The following RNF157 variants were observed in gnomAD, a reference collection of about 807,000 sequenced individuals.
The protein encoded by RNF157 is ring finger protein 157, also known as E3 ubiquitin ligase RNF157.
A neutral mutation model predicts 88.3 loss-of-function variants in RNF157; 55 were observed. The ratio of observed to expected loss-of-function variants is 0.62; its 90% CI spans 0.50 to 0.78. RNF157 has a LOEUF of 0.78. Among genes scored for constraint, RNF157 ranks in the 30% least tolerant of loss-of-function variants. RNF157 has a pLI of 0.00. For missense variants in RNF157, 788 were observed against 860.8 expected (o/e 0.92, Z 1.06); for synonymous variants, 334 against 341.2 (o/e 0.98, Z 0.23).
chr17:76,190,276 C>T (rs1427756291), intron 2 of RNF157, among the ~76,000 whole-genome samples: 1 of 151,810 alleles, frequency 6.6e-6, no homozygotes, highest in Non-Finnish European at 1.5e-5. Flanking sequence ...AAGTAATTCC[C>T]TTGCCTCAGC....
In RNF157 at chr17:76,145,211, G is replaced by C. The variant is rs944102867; in HGVS notation, c.*24C>G. The C allele has an allele frequency of 2.0e-6, 3 of 1,482,674 alleles. No individual in the cohort carries two copies. In the African/African-American group the frequency reaches 4.1e-5, roughly 20 times the overall value. The allele number at this position is 1,482,674 out of a possible 1,614,324, so 91.8% of individuals were successfully genotyped here. Reference sequence around the variant, plus strand: ...ATGGATGGAATGCAGGGCAGGAGGGGAGCCCAAGTGCAGAGGCTGGGGCTC... The same window carrying C: ...ATGGATGGAATGCAGGGCAGGAGGGCAGCCCAAGTGCAGAGGCTGGGGCTC... On this transcript the variant is annotated 3_prime_UTR_variant, in exon 19 of 19. Transcript: ENST00000269391.
Position 76,240,222 on chromosome 17 carries a change from G to T in RNF157, c.19C>A (p.Arg7=). The T allele has an allele frequency of 3.6e-6, 5 of 1,378,240 alleles. No homozygotes were observed. Among genetic ancestry groups the T allele is most frequent in the Non-Finnish European group, 4.8e-6 (5 of 1,050,628 alleles). The allele number at this position is 1,378,240 out of a possible 1,614,324, so 85.4% of individuals were successfully genotyped here. ...ACCTCCTCCACGCCCGCGTGCTGCC[G>T]GCTCGTCAGGGCCCCCATGGCCGCT... MGALTS[R]QHAGVEEVDI... Residue 7 remains arginine, a synonymous_variant, in exon 1 of 19, where the codon CGG becomes AGG. Transcript: ENST00000269391. This position sits in a 1 kb window ranked among gnomAD's most constrained non-coding sequence, Gnocchi z 4.4.
At chr17:76,182,448 AGTCT>A (rs1463933863) in intron 2 of RNF157, among the ~76,000 whole-genome samples, 1 of 110,052 alleles carries the variant, frequency 9.1e-6, no homozygotes, top group Non-Finnish European at 1.8e-5. Context: ...ACACGCATTT[AGTCT>A]GTGTGTGTGT....
At chr17:76,210,951 T>C (rs1034848545) in intron 2 of RNF157, among the ~76,000 whole-genome samples, 1 of 152,000 alleles carries the variant, frequency 6.6e-6, no homozygotes, top group African/African-American at 2.4e-5. Flanking sequence ...ATTATAGGGG[T>C]GTGCCACCAC....
intron 1 of RNF157, among the ~76,000 whole-genome samples, chr17:76,217,701 G>T (rs547992407): frequency 6.6e-6 from 1 of 152,126 alleles, no homozygotes; most frequent in African/African-American, 2.4e-5. Context: ...GGAGAAACAC[G>T]TCACTCACAG....
chr17:76,161,037 AAG>A lies in RNF157; in HGVS notation c.1065+496_1065+497del, dbSNP rs1568029317. ...TCCCAGCAGTGCGTTAGTCTAAAGAAAGACAGTATCTGCTGCTCTCTAACTGC... is the reference window on the plus strand; with the variant it reads ...TCCCAGCAGTGCGTTAGTCTAAAGAAACAGTATCTGCTGCTCTCTAACTGC... On this transcript the variant is annotated intron_variant, in intron 11 of 18. Coordinates refer to ENST00000269391, the MANE Select transcript of RNF157 (RefSeq NM_052916.3). This position sits in a 1 kb window ranked among gnomAD's most constrained non-coding sequence, Gnocchi z 4.6. Among the ~76,000 whole-genome samples the A allele has an allele frequency of 6.6e-6, 1 of 152,206 alleles. No individual in the cohort carries two copies. The highest frequency in any genetic ancestry group is 6.5e-5 in the Admixed American group (1 of 15,286).
Position 76,167,727 on chromosome 17 carries a change from T to C in RNF157, c.367A>G (p.Thr123Ala), listed in dbSNP as rs1369943278. 7 of 1,614,086 alleles carry C rather than the reference T, an allele frequency of 4.3e-6. No individual in the cohort carries two copies. The highest frequency in any genetic ancestry group is 5.9e-6 in the Non-Finnish European group (7 of 1,180,034). Residue 123 changes from threonine (T) to alanine (A), a missense_variant, in exon 4 of 19, where the codon ACC becomes GCC. By Grantham distance (58) the Thr-to-Ala change is moderately conservative. Transcript: ENST00000269391. ...KAKVHYNVEF[T>A]FDTDARVAIT... ...GCTACCCGAGCATCTGTGTCAAAGG[T>C]GAACTCAACATTGTAGTGGACTTTA...
At chr17:76,183,441 T>G (rs1463552526) in intron 2 of RNF157, among the ~76,000 whole-genome samples, 2 of 152,160 alleles carry the variant, frequency 1.3e-5, no homozygotes, top group East Asian at 3.8e-4. Context: ...CAAAATAAAT[T>G]CACATAAAGT....
At chr17:76,201,992 C>A (rs767086581) in intron 2 of RNF157, among the ~76,000 whole-genome samples, 2 of 151,652 alleles carry the variant, frequency 1.3e-5, no homozygotes, top group Non-Finnish European at 2.9e-5. Flanking sequence ...AGGGTACGCA[C>A]AGCTCAAAAT....
At chr17:76,185,118 T>C (rs1367966297) in intron 2 of RNF157, among the ~76,000 whole-genome samples, 1 of 152,166 alleles carries the variant, frequency 6.6e-6, no homozygotes, top group African/African-American at 2.4e-5. Flanking sequence ...TGACTCATTG[T>C]TTGAGAATAC....
chr17:76,234,924 C>T (rs116695300), intron 1 of RNF157, among the ~76,000 whole-genome samples: 206 of 152,252 alleles, frequency 1.4e-3, no homozygotes, highest in African/African-American at 4.5e-3. Context: ...ACTATCCTTT[C>T]CCCATTCAAT....
At chr17:76,183,738 A>G (rs2069235470) in intron 2 of RNF157, among the ~76,000 whole-genome samples, 1 of 124,834 alleles carries the variant, frequency 8.0e-6, no homozygotes, top group Non-Finnish European at 1.7e-5. Flanking sequence ...TTTATCATTC[A>G]ATTATTCAAT....
chr17:76,167,937 G>A (rs2068954464), intron 3 of RNF157, 140 bp from the exon 4 acceptor site: 3 of 838,548 alleles, frequency 3.6e-6, no homozygotes, highest in African/African-American at 3.4e-5. Context: ...AATGATCACA[G>A]AGTGCTTCAT....
intron 2 of RNF157, among the ~76,000 whole-genome samples, chr17:76,205,723 CTAAA>C (rs35839727): frequency 0.11 from 16,764 of 146,702 alleles, 1,063 homozygotes; most frequent in African/African-American, 0.17. Flanking sequence ...GACTCCATCT[CTAAA>C]TAAATAAATA....
intron 2 of RNF157, among the ~76,000 whole-genome samples, chr17:76,188,786 G>A (rs2069335102): frequency 6.6e-6 from 1 of 152,170 alleles, no homozygotes; most frequent in Non-Finnish European, 1.5e-5. Flanking sequence ...GGCTTCTAAC[G>A]AATACATCAT....
chr17:76,187,978 A>G (rs932035098), intron 2 of RNF157, among the ~76,000 whole-genome samples: 3 of 152,168 alleles, frequency 2.0e-5, no homozygotes, highest in Admixed American at 6.5e-5. Flanking sequence ...AGCTAGTTTA[A>G]TAAGGTGGCA....
At chr17:76,229,332 C>T (rs976765326) in intron 1 of RNF157, among the ~76,000 whole-genome samples, 3 of 152,204 alleles carry the variant, frequency 2.0e-5, no homozygotes, top group Non-Finnish European at 4.4e-5. Context: ...GATGCTGCTG[C>T]CTATCAGCTT....
intron 2 of RNF157, among the ~76,000 whole-genome samples, chr17:76,174,434 T>C (rs2069071652): frequency 6.6e-6 from 1 of 152,212 alleles, no homozygotes; most frequent in East Asian, 1.9e-4. Flanking sequence ...ACCTTTGGAT[T>C]TGAAGTTCTG....
At chr17:76,202,606 G>A (rs2069603865) in intron 2 of RNF157, 1 of 154,358 alleles carries the variant, frequency 6.5e-6, no homozygotes. Context: ...ATTCAGCAAA[G>A]CTTCCTTAAC....
Sources: allele counts gnomAD v4.1 joint callset (sites outside exome capture counted in the v4.1 genomes callset), GRCh38; gene constraint gnomAD v4.1.1; non-coding constraint Gnocchi (gnomAD v3.1); transcripts MANE v1.5; gene names NCBI Gene and HGNC (gene_info 2026-07-23, HGNC 2026-07-21).